TMPO: variants seen among roughly 807,000 people sequenced by gnomAD.
TMPO encodes thymopoietin.
TMPO carries 22 observed loss-of-function variants against 45.4 expected under a neutral mutation model. The ratio of observed to expected loss-of-function variants is 0.48; its 90% CI spans 0.35 to 0.69. The LOEUF is 0.69. Among genes scored for constraint, TMPO ranks in the 30% least tolerant of loss-of-function variants. The probability of loss-of-function intolerance (pLI) is 0.01; values close to 1 mark genes in which losing one functional copy is unlikely to be tolerated. For missense variants in TMPO, 512 were observed against 548.8 expected, an observed-to-expected ratio of 0.93 and a Z score of 0.67; for synonymous variants, 241 against 204.1, an observed-to-expected ratio of 1.18 and a Z score of -1.54.
intron 4 of TMPO, among the ~76,000 whole-genome samples, chr12:98,539,827 A>G (rs1027205969): frequency 1.3e-5 from 2 of 152,256 alleles, no homozygotes; most frequent in South Asian, 2.1e-4. Flanking sequence ...ATATTAAAGC[A>G]GTCTTTGACA....
chr12:98,539,077 G>A (rs2121231224), intron 4 of TMPO, among the ~76,000 whole-genome samples: 1 of 152,176 alleles, frequency 6.6e-6, no homozygotes, highest in South Asian at 2.1e-4. Context: ...GTGCATGCCT[G>A]TAATCCTAGC....
intron 1 of TMPO, chr12:98,516,558 C>T (rs1397327683): frequency 1.2e-5 from 12 of 1,012,080 alleles, no homozygotes; most frequent in Non-Finnish European, 1.1e-5. Flanking sequence ...ACTGAAATGA[C>T]TCGCAGCAGA....
chr12:98,544,107 C>T (rs913967223), intron 4 of TMPO, 123 bp from the exon 5 acceptor site: 15 of 1,058,188 alleles, frequency 1.4e-5, no homozygotes, highest in East Asian at 2.6e-5. Context: ...GAGGACATAG[C>T]CTTGTTTGTA....
intron 1 of TMPO, among the ~76,000 whole-genome samples, chr12:98,522,983 G>A (rs1224942748): frequency 2.0e-5 from 3 of 152,170 alleles, no homozygotes; most frequent in East Asian, 1.9e-4. Flanking sequence ...GAAGCTCATC[G>A]GTGATATCAT....
chr12:98,535,077 A>C, intron 3 of TMPO: 2 of 913,368 alleles, frequency 2.2e-6, no homozygotes, highest in Non-Finnish European at 2.6e-6. Flanking sequence ...GACTGGTAGC[A>C]ACCAATTCAT....
At chr12:98,536,727 A>C (rs1877594115) in intron 3 of TMPO, among the ~76,000 whole-genome samples, 4 of 152,230 alleles carry the variant, frequency 2.6e-5, no homozygotes, top group Middle Eastern at 3.2e-3. Context: ...GGAGACTGGA[A>C]TATTGAAGCC....
chr12:98,515,981 C>T lies in TMPO; in HGVS notation c.114C>T (p.Val38=), dbSNP rs200619128. The stretch of plus-strand genomic sequence containing the variant: ...GGGAGCAGCGCAAAGACGTGTACGT[C>T]CAGCTCTACCTGCAGCACCTCACGG... The part of the protein sequence containing the change: ...PAGEQRKDVY[V]QLYLQHLTAR... The change falls in exon 1 of 9, where the codon GTC becomes GTT. Residue 38 remains valine (V), a synonymous_variant. Coordinates refer to ENST00000556029, the MANE Select transcript of TMPO (RefSeq NM_001032283.3). 3 of 1,612,888 alleles carry T rather than the reference C, an allele frequency of 1.9e-6. No homozygotes were observed. Among genetic ancestry groups the T allele is most frequent in the South Asian group, 1.1e-5 (1 of 91,086 alleles).
chr12:98,534,606 C>T (rs1435028237), intron 3 of TMPO: 14 of 1,235,002 alleles, frequency 1.1e-5, no homozygotes, highest in Non-Finnish European at 1.4e-5. Flanking sequence ...CTGTTTCCTG[C>T]TTTACTTATG....
intron 4 of TMPO, 156 bp from the exon 5 acceptor site, chr12:98,544,074 A>G (rs1426640792): frequency 8.9e-6 from 7 of 789,144 alleles, no homozygotes; most frequent in African/African-American, 5.2e-5. Context: ...TATCAGTTCA[A>G]TTAATACATT....
chr12:98,549,004 C>T lies in TMPO; in HGVS notation c.*1146C>T, dbSNP rs2121268224. On this transcript the variant is annotated 3_prime_UTR_variant, in exon 9 of 9. Coordinates refer to ENST00000556029, the MANE Select transcript of TMPO (RefSeq NM_001032283.3). Reference sequence around the variant, plus strand: ...GGCGTGATGATGTGCGCCTGTAGTCCTGTCTACTAGGGAGACTGAGGCAGG... The same window carrying T: ...GGCGTGATGATGTGCGCCTGTAGTCTTGTCTACTAGGGAGACTGAGGCAGG... The T allele has an allele frequency of 6.6e-6, 1 of 152,396 alleles. No individual in the cohort carries two copies. Among genetic ancestry groups the T allele is most frequent in the Admixed American group, 6.5e-5 (1 of 15,292 alleles). The allele number at this position is 152,396 out of a possible 1,614,324, so 9.4% of individuals were successfully genotyped here. A position where few individuals can be genotyped will look rare whatever the true frequency, so the allele number is the denominator to read the frequency against.
chr12:98,538,157 A>G (rs547221585), intron 4 of TMPO, among the ~76,000 whole-genome samples: 1 of 152,264 alleles, frequency 6.6e-6, no homozygotes, highest in Admixed American at 6.6e-5. Flanking sequence ...ATTATTGACT[A>G]ACCTAGTATT....
At chr12:98,531,935 A>C (rs1027106443) in intron 3 of TMPO, 97 bp downstream of exon 3, 10 of 985,908 alleles carry the variant, frequency 1.0e-5, no homozygotes, top group Non-Finnish European at 1.5e-5. Context: ...AATATTGGCA[A>C]GATACACAAA....
intron 4 of TMPO, among the ~76,000 whole-genome samples, chr12:98,539,837 A>G (rs541745145): frequency 1.3e-5 from 2 of 152,370 alleles, no homozygotes; most frequent in Admixed American, 6.5e-5. Flanking sequence ...AGTCTTTGAC[A>G]TAGTGTTTCA....
intron 3 of TMPO, among the ~76,000 whole-genome samples, chr12:98,537,136 T>A (rs1565813647): frequency 1.3e-5 from 2 of 152,192 alleles, no homozygotes; most frequent in Non-Finnish European, 2.9e-5. Flanking sequence ...ATGGCCTTTT[T>A]CCACATCTAA....
At chr12:98,526,118 T>C (rs1326980509) in intron 1 of TMPO, among the ~76,000 whole-genome samples, 1 of 152,214 alleles carries the variant, frequency 6.6e-6, no homozygotes, top group Non-Finnish European at 1.5e-5. Flanking sequence ...TTTTAAAACT[T>C]TCAAATTTTC....
At chr12:98,541,067 A>G (rs945257755) in intron 4 of TMPO, among the ~76,000 whole-genome samples, 7 of 152,096 alleles carry the variant, frequency 4.6e-5, no homozygotes, top group African/African-American at 1.7e-4. Flanking sequence ...ACATTGTGCC[A>G]TCTGTAGCCA....
At chr12:98,531,410 T>C (rs185128740) in intron 2 of TMPO, among the ~76,000 whole-genome samples, 9 of 152,032 alleles carry the variant, frequency 5.9e-5, no homozygotes, top group African/African-American at 2.2e-4. Context: ...CTAATTTTTG[T>C]ATTTTTAGTA....
intron 3 of TMPO, chr12:98,533,114 G>A (rs1339972322): frequency 6.2e-7 from 1 of 1,614,046 alleles, no homozygotes; most frequent in African/African-American, 1.3e-5. Flanking sequence ...AGCCATGATA[G>A]GTGTTTAGAG....
At chr12:98,543,390 C>T (rs1878041994) in intron 4 of TMPO, among the ~76,000 whole-genome samples, 1 of 152,200 alleles carries the variant, frequency 6.6e-6, no homozygotes, top group Admixed American at 6.5e-5. Context: ...CCTACAGCTA[C>T]AGAATCAGAA....
Sources: gnomAD v4.1 joint callset for allele counts (sites outside exome capture counted in the v4.1 genomes callset) on GRCh38, gnomAD v4.1.1 for gene constraint, MANE v1.5 for transcripts, NCBI Gene and HGNC (gene_info 2026-07-23, HGNC 2026-07-21) for gene names.